The following PCSK2 variants were observed in gnomAD, a reference collection of about 807,000 sequenced individuals.
PCSK2 encodes neuroendocrine convertase 2.
PCSK2 carries 14 observed loss-of-function variants against 69.7 expected under a neutral mutation model. The observed-to-expected ratio is 0.20, with a 90% CI of 0.13 to 0.31. The LOEUF is 0.31. Among genes scored for constraint, PCSK2 ranks in the 10% least tolerant of loss-of-function variants. PCSK2 has a pLI of 1.00. For missense variants in PCSK2, 544 were observed against 842.5 expected, an observed-to-expected ratio of 0.65 and a Z score of 4.39; for synonymous variants, 307 against 320.7, an observed-to-expected ratio of 0.96 and a Z score of 0.46.
At chr20:17,454,919 C>T (rs2269025) in intron 9 of PCSK2, among the ~76,000 whole-genome samples, 46,021 of 152,142 alleles carry the variant, frequency 0.3, 8,241 homozygotes, top group South Asian at 0.57. Context: ...CTGGAAGGGA[C>T]GCAGACCTTA....
chr20:17,262,239 T>G (rs1221525750), intron 2 of PCSK2, among the ~76,000 whole-genome samples: 1 of 152,202 alleles, frequency 6.6e-6, no homozygotes, highest in African/African-American at 2.4e-5. Flanking sequence ...TTCCCCTTCA[T>G]TATCTATTAT....
At chr20:17,229,506 C>T (rs1035065156) in intron 1 of PCSK2, among the ~76,000 whole-genome samples, 2 of 151,110 alleles carry the variant, frequency 1.3e-5, no homozygotes, top group Admixed American at 1.3e-4. Flanking sequence ...CTCTTTGCTG[C>T]CCCCTTTGAA....
chr20:17,332,862 T>C (rs6111509), intron 2 of PCSK2, among the ~76,000 whole-genome samples: 1 of 152,078 alleles, frequency 6.6e-6, no homozygotes, highest in Admixed American at 6.6e-5. Context: ...TGCAATATAG[T>C]CTTTGAAGTC....
At chr20:17,342,013 G>C (rs144949695) in intron 2 of PCSK2, among the ~76,000 whole-genome samples, 1 of 152,342 alleles carries the variant, frequency 6.6e-6, no homozygotes, top group African/African-American at 2.4e-5. Flanking sequence ...GGCCACAGGG[G>C]TAATTGATTT....
chr20:17,419,643 G>A (rs1264625241), intron 6 of PCSK2, among the ~76,000 whole-genome samples: 1 of 152,180 alleles, frequency 6.6e-6, no homozygotes, highest in East Asian at 1.9e-4. Context: ...ATGCCAAGAT[G>A]TTGAGTGGCC....
intron 6 of PCSK2, among the ~76,000 whole-genome samples, chr20:17,419,573 T>G (rs949195468): frequency 1.6e-4 from 25 of 152,226 alleles, no homozygotes; most frequent in Non-Finnish European, 3.1e-4. Context: ...TTTTTTCCCT[T>G]GCTGGCACTC....
chr20:17,259,362 T>C (rs1284426875), intron 1 of PCSK2, among the ~76,000 whole-genome samples: 1 of 152,200 alleles, frequency 6.6e-6, no homozygotes, highest in Non-Finnish European at 1.5e-5. Flanking sequence ...TCTTCATCAA[T>C]GTGAAGACGT....
intron 2 of PCSK2, among the ~76,000 whole-genome samples, chr20:17,271,700 T>C (rs887140160): frequency 6.6e-6 from 1 of 152,132 alleles, no homozygotes; most frequent in African/African-American, 2.4e-5. Context: ...CCTCCAATAA[T>C]GGACGCCCTG....
intron 1 of PCSK2, among the ~76,000 whole-genome samples, chr20:17,232,341 G>C (rs1325180896): frequency 6.6e-6 from 1 of 152,162 alleles, no homozygotes; most frequent in Non-Finnish European, 1.5e-5. Context: ...ACCAACACTA[G>C]ATATTTTACA....
chr20:17,484,129 C>A lies in PCSK2; in HGVS notation c.*2059C>A. ...AAATGTTCATCAATTCCCATTGCAT[C>A]ACCTCTGTAATTTTTCAGCTCTCTG... On this transcript the variant is annotated 3_prime_UTR_variant, in exon 12 of 12. Coordinates refer to ENST00000262545, the MANE Select transcript of PCSK2 (RefSeq NM_002594.5). 6.6e-6 allele frequency: 1 copy of A among 152,250 alleles called. No individual in the cohort carries two copies. The highest frequency in any genetic ancestry group is 1.9e-4 in the East Asian group (1 of 5,196). 9.4% of individuals were successfully genotyped at this position (152,250 alleles called of 1,614,324 possible).
intron 2 of PCSK2, among the ~76,000 whole-genome samples, chr20:17,263,946 C>T (rs990769490): frequency 1.4e-4 from 22 of 152,094 alleles, no homozygotes. Context: ...ATATTTTATG[C>T]CCAAAAGCTC....
intron 2 of PCSK2, among the ~76,000 whole-genome samples, chr20:17,355,302 TTTTC>T (rs2030155277): frequency 6.6e-6 from 1 of 152,000 alleles, no homozygotes. Flanking sequence ...TTGCTTAGAG[TTTTC>T]AAACTTCCAT....
At chr20:17,302,902 A>G (rs151123453) in intron 2 of PCSK2, among the ~76,000 whole-genome samples, 1 of 152,298 alleles carries the variant, frequency 6.6e-6, no homozygotes, top group Non-Finnish European at 1.5e-5. Flanking sequence ...GTTTTTGAAC[A>G]TGGAGATATA....
At chr20:17,277,156 T>C (rs1195368077) in intron 2 of PCSK2, among the ~76,000 whole-genome samples, 2 of 152,132 alleles carry the variant, frequency 1.3e-5, no homozygotes, top group South Asian at 2.1e-4. Context: ...AGGTAATTTA[T>C]AGATTCAATG....
intron 2 of PCSK2, among the ~76,000 whole-genome samples, chr20:17,334,169 A>G (rs964591286): frequency 1.3e-5 from 2 of 151,836 alleles, no homozygotes; most frequent in African/African-American, 4.8e-5. Flanking sequence ...GGAGTGGGCA[A>G]TCTACTTTTC....
At chr20:17,474,663 T>C (rs897371970) in intron 11 of PCSK2, among the ~76,000 whole-genome samples, 5 of 152,160 alleles carry the variant, frequency 3.3e-5, no homozygotes, top group Non-Finnish European at 5.9e-5. Context: ...ACAGCCACCA[T>C]AGAAGATTCA....
chr20:17,273,174 T>C (rs1987935213), intron 2 of PCSK2, among the ~76,000 whole-genome samples: 1 of 152,152 alleles, frequency 6.6e-6, no homozygotes, highest in Non-Finnish European at 1.5e-5. Flanking sequence ...AGTCAAGATA[T>C]CTCAGACATA....
At chr20:17,280,297 A>G (rs1210480809) in intron 2 of PCSK2, among the ~76,000 whole-genome samples, 1 of 152,228 alleles carries the variant, frequency 6.6e-6, no homozygotes, top group East Asian at 1.9e-4. Flanking sequence ...CAAAATGTAG[A>G]TATACTATGG....
chr20:17,333,836 C>T lies in PCSK2; in HGVS notation c.283-24491C>T, dbSNP rs547671998. ...TAAGTGTAAAGGGCTAAGAACCGTG[C>T]TAGCACATGGAAGTTATTCAGTAAG... On this transcript the variant is annotated intron_variant, in intron 2 of 11. Coordinates refer to ENST00000262545, the MANE Select transcript of PCSK2 (RefSeq NM_002594.5). Among the ~76,000 whole-genome samples the T allele has an allele frequency of 9.5e-5, 14 of 147,790 alleles. No individual in the cohort carries two copies. In the South Asian group the frequency reaches 1.1e-3, roughly 11 times the overall value.
Sources: allele counts gnomAD v4.1 joint callset (sites outside exome capture counted in the v4.1 genomes callset), GRCh38; gene constraint gnomAD v4.1.1; transcripts MANE v1.5; gene names NCBI Gene and HGNC (gene_info 2026-07-23, HGNC 2026-07-21).